Variants in MSRA observed in about 807,000 individuals in gnomAD.
MSRA encodes mitochondrial peptide methionine sulfoxide reductase.
Under a neutral mutation model 31.3 loss-of-function variants are expected in MSRA, and 54 were observed. The ratio of observed to expected loss-of-function variants is 1.73; its 90% CI spans 1.39 to 2.17. The LOEUF is 2.17. MSRA is among the 30% of genes most tolerant of loss of function. The pLI, the probability that MSRA is intolerant of heterozygous loss-of-function variation, is 0.00. For synonymous variants in MSRA, 169 were observed against 116.5 expected (o/e 1.45, Z -2.90); for missense variants, 507 against 300.9 (o/e 1.69, Z -5.07).
intron 5 of MSRA, among the ~76,000 whole-genome samples, chr8:10,342,548 T>G (rs1382959598): frequency 1.3e-5 from 2 of 152,222 alleles, no homozygotes; most frequent in African/African-American, 4.8e-5. Context: ...TGATCTTGAT[T>G]GCACAGGTTA....
At position 10,120,577 on chromosome 8, in the gene MSRA, C is replaced by T. The variant is rs138994096; in HGVS notation, c.142+65919C>T. Reference sequence around the variant, plus strand: ...CAATTCAGTTCAGTTCAATTACATTCGGATATTTGCTGAACATCAAGAATT... The same window carrying T: ...CAATTCAGTTCAGTTCAATTACATTTGGATATTTGCTGAACATCAAGAATT... On this transcript the variant is annotated intron_variant, in intron 1 of 5. Transcript: ENST00000317173. Among the ~76,000 whole-genome samples, 9 of 152,316 alleles carry T rather than the reference C, an allele frequency of 5.9e-5. No homozygotes were observed. In the East Asian group the frequency reaches 1.3e-3, roughly 23 times the overall value.
In MSRA at chr8:10,268,621, A is replaced by G. The variant is rs1183062148; in HGVS notation, c.331+23398A>G. Among the ~76,000 whole-genome samples, 6 of 152,318 alleles carry G rather than the reference A, an allele frequency of 3.9e-5. No homozygotes were observed. The South Asian group carries it at 8.3e-4, about 21-fold the overall frequency. On this transcript the variant is annotated intron_variant, in intron 3 of 5. Transcript: ENST00000317173. ...TAATTGACTAACTATACAATCAAACAAGTTCACACCATAAAGACTTTCTTA... is the reference window on the plus strand; with the variant it reads ...TAATTGACTAACTATACAATCAAACGAGTTCACACCATAAAGACTTTCTTA...
chr8:10,243,413 A>G (rs1276843699), intron 2 of MSRA, among the ~76,000 whole-genome samples: 2 of 152,164 alleles, frequency 1.3e-5, no homozygotes, highest in Non-Finnish European at 2.9e-5. Flanking sequence ...CAACAAAGGA[A>G]AATTAATAGT....
chr8:10,317,383 G>C (rs549948201), intron 4 of MSRA, among the ~76,000 whole-genome samples: 9 of 152,344 alleles, frequency 5.9e-5, no homozygotes, highest in African/African-American at 1.4e-4. Context: ...CTGAGCAGAG[G>C]AGAAGTCATC....
intron 1 of MSRA, among the ~76,000 whole-genome samples, chr8:10,147,865 G>A (rs1265095763): frequency 6.6e-6 from 1 of 152,194 alleles, no homozygotes; most frequent in African/African-American, 2.4e-5. Context: ...TCGACTCTGA[G>A]CAGTGCAGAG....
chr8:10,160,205 T>G lies in MSRA; in HGVS notation c.143-47628T>G, dbSNP rs183824392. On this transcript the variant is annotated intron_variant, in intron 1 of 5. Transcript: ENST00000317173. ...CAGCCCCAACAGGTGATTAGAAATA[T>G]AGATAGGATGGGGCCAGGCACAGTG... Among the ~76,000 whole-genome samples the G allele has an allele frequency of 1.7e-3, 255 of 152,244 alleles. 2 individuals carry two copies. Among genetic ancestry groups the G allele is most frequent in the African/African-American group, 5.8e-3 (241 of 41,552 alleles).
At chr8:10,117,207 A>G (rs1800747960) in intron 1 of MSRA, among the ~76,000 whole-genome samples, 1 of 152,116 alleles carries the variant, frequency 6.6e-6, no homozygotes, top group African/African-American at 2.4e-5. Context: ...TACTTTGTTG[A>G]GTTCCTAGGT....
intron 4 of MSRA, among the ~76,000 whole-genome samples, chr8:10,306,583 G>A (rs1481907968): frequency 1.3e-5 from 2 of 152,160 alleles, no homozygotes; most frequent in South Asian, 2.1e-4. Flanking sequence ...GCTGACAGTG[G>A]TGATGAGGCT....
chr8:10,128,155 A>G (rs1481241444), intron 1 of MSRA, among the ~76,000 whole-genome samples: 3 of 152,082 alleles, frequency 2.0e-5, no homozygotes, highest in Non-Finnish European at 2.9e-5. Context: ...AGGCAGGTGG[A>G]TCACCCGAGA....
intron 3 of MSRA, among the ~76,000 whole-genome samples, chr8:10,259,465 T>C (rs1171099431): frequency 6.6e-6 from 1 of 152,118 alleles, no homozygotes; most frequent in Non-Finnish European, 1.5e-5. Context: ...GTGAAGCAGG[T>C]GTGTAGGGAC....
At chr8:10,058,112 A>AT (rs1489239004) in intron 1 of MSRA, among the ~76,000 whole-genome samples, 7 of 152,138 alleles carry the variant, frequency 4.6e-5, no homozygotes, top group Admixed American at 3.9e-4. Context: ...TGTTCATTGT[A>AT]TTTTTTTGTT....
At chr8:10,128,984 T>C (rs1801698966) in intron 1 of MSRA, among the ~76,000 whole-genome samples, 1 of 152,180 alleles carries the variant, frequency 6.6e-6, no homozygotes, top group Admixed American at 6.5e-5. Context: ...CTTTACGCTA[T>C]ATAATATGCT....
At chr8:10,276,170 C>G (rs1799311543) in intron 3 of MSRA, among the ~76,000 whole-genome samples, 1 of 152,200 alleles carries the variant, frequency 6.6e-6, no homozygotes, top group African/African-American at 2.4e-5. Flanking sequence ...TCTTTATAGA[C>G]AAGTTACCTT....
chr8:10,284,174 G>A (rs1799808494), intron 3 of MSRA, among the ~76,000 whole-genome samples: 1 of 152,018 alleles, frequency 6.6e-6, no homozygotes, highest in African/African-American at 2.4e-5. Context: ...TGACTGAAGA[G>A]AGAATGAATC....
intron 1 of MSRA, among the ~76,000 whole-genome samples, chr8:10,177,524 G>C (rs903443380): frequency 6.6e-6 from 1 of 152,134 alleles, no homozygotes; most frequent in Non-Finnish European, 1.5e-5. Flanking sequence ...TGGGAGGAAA[G>C]GATTGTGTTT....
At chr8:10,215,592 G>T (rs1035696980) in intron 2 of MSRA, among the ~76,000 whole-genome samples, 2 of 152,152 alleles carry the variant, frequency 1.3e-5, no homozygotes, top group African/African-American at 4.8e-5. Context: ...GATTTTGAAG[G>T]ATAACAGACA....
intron 5 of MSRA, among the ~76,000 whole-genome samples, chr8:10,350,463 A>G (rs1804058440): frequency 6.6e-6 from 1 of 152,214 alleles, no homozygotes; most frequent in African/African-American, 2.4e-5. Flanking sequence ...CTGTGGATGA[A>G]AAGGCCCTAT....
intron 1 of MSRA, among the ~76,000 whole-genome samples, chr8:10,134,062 C>T (rs918314498): frequency 6.6e-6 from 1 of 152,154 alleles, no homozygotes; most frequent in Non-Finnish European, 1.5e-5. Flanking sequence ...CAACTCCTGA[C>T]CTCAGGCGAT....
chr8:10,183,829 C>CTGCTGG (rs1806770275), intron 1 of MSRA, among the ~76,000 whole-genome samples: 1 of 137,062 alleles, frequency 7.3e-6, no homozygotes, highest in African/African-American at 2.8e-5. Context: ...GCTGCTGCTG[C>CTGCTGG]TGGTGGTATT....
Sources: allele counts gnomAD v4.1 joint callset (sites outside exome capture counted in the v4.1 genomes callset), GRCh38; gene constraint gnomAD v4.1.1; transcripts MANE v1.5; gene names NCBI Gene and HGNC (gene_info 2026-07-23, HGNC 2026-07-21).